The following SH3KBP1 variants were observed in gnomAD, a reference collection of about 807,000 sequenced individuals.
SH3KBP1 encodes SH3 domain-containing kinase-binding protein 1.
A neutral mutation model predicts 50.1 loss-of-function variants in SH3KBP1; 8 were observed. The observed-to-expected ratio is 0.16, with a 90% confidence interval of 0.09 to 0.29. The LOEUF (loss-of-function observed/expected upper bound fraction) is 0.29. SH3KBP1 is among the 10% of genes least tolerant of loss of function. The pLI is 1.00. For missense variants in SH3KBP1, 377 were observed against 535.2 expected (o/e 0.70, Z 2.92); for synonymous variants, 227 against 218.6 (o/e 1.04, Z -0.34).
At chrX:19,627,392 A>G (rs1221167760) in intron 8 of SH3KBP1, among the ~76,000 whole-genome samples, 1 of 112,366 alleles carries the variant, frequency 8.9e-6, no homozygotes, top group African/African-American at 3.2e-5. Flanking sequence ...TTGGGATGAG[A>G]CCCAGAAGCT....
At chrX:19,563,847 G>C (rs183793221) in intron 13 of SH3KBP1, among the ~76,000 whole-genome samples, 1 of 111,845 alleles carries the variant, frequency 8.9e-6, no homozygotes, top group Non-Finnish European at 1.9e-5. Flanking sequence ...GTCTGTAGGA[G>C]CCAGCCGTGG....
chrX:19,618,977 C>T (rs866439135), intron 8 of SH3KBP1, among the ~76,000 whole-genome samples: 1 of 84,325 alleles, frequency 1.2e-5, no homozygotes, highest in African/African-American at 4.1e-5. Flanking sequence ...AAAAAACGAA[C>T]AAAAAAAAAA....
chrX:19,587,317 G>A (rs754477611), intron 12 of SH3KBP1, among the ~76,000 whole-genome samples: 5 of 110,787 alleles, frequency 4.5e-5, no homozygotes, highest in Admixed American at 2.9e-4. Flanking sequence ...GTAGAATGGC[G>A]GCTGCCAGGG....
rs6633309 is a variant in SH3KBP1 at position 19,822,544 on chromosome X, A to G, written c.162+13581T>C. 5.8e-4 allele frequency among the ~76,000 whole-genome samples: 65 copies of G among 111,772 alleles called. 2 individuals carry two copies. The East Asian group carries it at 0.015, about 26-fold the overall frequency. On this transcript the variant is annotated intron_variant, in intron 2 of 17. Coordinates refer to ENST00000397821, the MANE Select transcript of SH3KBP1 (RefSeq NM_031892.3). The stretch of plus-strand genomic sequence containing the variant: ...ATTTGCTGAGATTTTCTAATTTTTC[A>G]TTTGTTTCAAGAGTGTTTGGAATTG...
intron 2 of SH3KBP1, among the ~76,000 whole-genome samples, chrX:19,766,726 C>T (rs930574423): frequency 2.7e-5 from 3 of 109,263 alleles, no homozygotes; most frequent in Non-Finnish European, 5.7e-5. Flanking sequence ...CTCCTTACCT[C>T]GTGATCCACC....
At chrX:19,554,793 GA>G (rs1275200511) in intron 13 of SH3KBP1, among the ~76,000 whole-genome samples, 1 of 112,063 alleles carries the variant, frequency 8.9e-6, no homozygotes, top group Non-Finnish European at 1.9e-5. Flanking sequence ...CTGCCATACA[GA>G]AAAAAAATGT....
At chrX:19,665,647 T>A (rs2062579420) in intron 6 of SH3KBP1, among the ~76,000 whole-genome samples, 1 of 112,082 alleles carries the variant, frequency 8.9e-6, no homozygotes, top group Admixed American at 9.5e-5. Flanking sequence ...GAGCTGGGAA[T>A]AAGGCTGTCA....
chrX:19,880,984 T>C (rs975103430), intron 1 of SH3KBP1, among the ~76,000 whole-genome samples: 4 of 111,733 alleles, frequency 3.6e-5, no homozygotes, highest in African/African-American at 1.3e-4. Flanking sequence ...GTAAGATCCA[T>C]TTTGAACTTC....
At chrX:19,781,488 T>G (rs1482524828) in intron 2 of SH3KBP1, among the ~76,000 whole-genome samples, 2 of 109,125 alleles carry the variant, frequency 1.8e-5, no homozygotes, top group Non-Finnish European at 3.8e-5. Flanking sequence ...CATAGTGGCA[T>G]GCACCTGTGG....
intron 14 of SH3KBP1, among the ~76,000 whole-genome samples, chrX:19,549,020 G>T (rs1052446419): frequency 5.4e-5 from 6 of 111,908 alleles, no homozygotes; most frequent in African/African-American, 1.9e-4. Flanking sequence ...TCATTTGAGT[G>T]TTGTTTATAA....
At chrX:19,679,104 C>T (rs2062990792) in intron 6 of SH3KBP1, among the ~76,000 whole-genome samples, 1 of 112,025 alleles carries the variant, frequency 8.9e-6, no homozygotes, top group Non-Finnish European at 1.9e-5. Flanking sequence ...CTGGTACACA[C>T]ACACATGAAC....
At chrX:19,778,392 C>T (rs1451837984) in intron 2 of SH3KBP1, among the ~76,000 whole-genome samples, 2 of 99,094 alleles carry the variant, frequency 2.0e-5, no homozygotes, top group African/African-American at 3.8e-5. Context: ...AATTGTGCAA[C>T]TGCACTCTAG....
At chrX:19,720,948 C>A (rs1669413732) in intron 3 of SH3KBP1, among the ~76,000 whole-genome samples, 1 of 111,108 alleles carries the variant, frequency 9.0e-6, no homozygotes, top group African/African-American at 3.3e-5. Context: ...AAAATCAGTA[C>A]CAAAAATGGC....
At chrX:19,651,814 G>T (rs1245917657) in intron 6 of SH3KBP1, among the ~76,000 whole-genome samples, 1 of 111,758 alleles carries the variant, frequency 8.9e-6, no homozygotes, top group Non-Finnish European at 1.9e-5. Context: ...GGGCAACATA[G>T]CAAGACCTCA....
chrX:19,866,123 T>C (rs2068900450), intron 1 of SH3KBP1, among the ~76,000 whole-genome samples: 1 of 111,970 alleles, frequency 8.9e-6, no homozygotes, highest in African/African-American at 3.3e-5. Flanking sequence ...AGAGCCCTGC[T>C]GCAGAAATGA....
At chrX:19,619,638 C>T (rs760414391) in intron 8 of SH3KBP1, among the ~76,000 whole-genome samples, 11 of 110,776 alleles carry the variant, frequency 9.9e-5, no homozygotes, top group South Asian at 3.9e-4. Context: ...AAAAATTAGC[C>T]GGGTGTGGTG....
At chrX:19,841,743 G>A (rs1481983310) in intron 1 of SH3KBP1, among the ~76,000 whole-genome samples, 1 of 109,236 alleles carries the variant, frequency 9.2e-6, no homozygotes. Flanking sequence ...AGGCCTAGAA[G>A]GTTCCATGAC....
chrX:19,852,789 G>A (rs780640182), intron 1 of SH3KBP1, among the ~76,000 whole-genome samples: 2 of 111,564 alleles, frequency 1.8e-5, no homozygotes, highest in Non-Finnish European at 3.8e-5. Flanking sequence ...CTTTGATCCA[G>A]TAAGTACTTA....
chrX:19,758,100 C>T (rs1434012040), intron 2 of SH3KBP1, among the ~76,000 whole-genome samples: 1 of 109,666 alleles, frequency 9.1e-6, no homozygotes, highest in African/African-American at 3.3e-5. Context: ...CCAAGGTGGG[C>T]GGATCACCTG....
Sources: gnomAD v4.1 joint callset for allele counts (sites outside exome capture counted in the v4.1 genomes callset) on GRCh38, gnomAD v4.1.1 for gene constraint, MANE v1.5 for transcripts, NCBI Gene and HGNC (gene_info 2026-07-23, HGNC 2026-07-21) for gene names.